Variants in WDR81 observed in about 807,000 individuals in gnomAD.
WDR81 encodes WD repeat-containing protein 81.
A neutral mutation model predicts 140.8 loss-of-function variants in WDR81; 92 were observed. The ratio of observed to expected loss-of-function variants is 0.65; its 90% CI spans 0.55 to 0.78. The LOEUF (loss-of-function observed/expected upper bound fraction) is 0.78. Ranked by LOEUF, WDR81 falls within the 30% of genes least tolerant of loss-of-function variation. The pLI is 0.00. For missense variants in WDR81, 2,502 were observed against 2,636.4 expected (o/e 0.95, Z 1.12); for synonymous variants, 1,183 against 1,156.4 (o/e 1.02, Z -0.47).
upstream of WDR81, among the ~76,000 whole-genome samples, chr17:1,719,880 G>A (rs1914774562): frequency 6.6e-6 from 1 of 151,504 alleles, no homozygotes; most frequent in African/African-American, 2.4e-5. Context: ...GGTATCTGTG[G>A]TCCCAGCTAC....
rs1200455844 is a variant in WDR81, at chr17:1,726,148, C to G, written c.1189C>G (p.Arg397Gly). ...VDFTTPHGRF[R>G]DLRKSKFRLN... ...CTTCACTACGCCCCATGGGCGCTTC[C>G]GAGACCTGCGCAAGTCCAAGTTCCG... The change falls in exon 1 of 10, where the codon CGA becomes GGA. Residue 397 changes from arginine (R) to glycine (G), a missense_variant. By Grantham distance (125) the Arg-to-Gly change is moderately radical. Transcript: ENST00000409644. The G allele has an allele frequency of 6.6e-7, 1 of 1,523,826 alleles. No homozygotes were observed. The highest frequency in any genetic ancestry group is 8.9e-7 in the Non-Finnish European group (1 of 1,129,550). 94.4% of individuals were successfully genotyped at this position (1,523,826 alleles called of 1,614,324 possible).
chr17:1,732,286 G>T, intron 4 of WDR81, 39 bp from the exon 5 acceptor site: 2 of 1,600,250 alleles, frequency 1.2e-6, no homozygotes, highest in Non-Finnish European at 1.7e-6. Context: ...GTCAAGTCCT[G>T]CAGAACGGCG....
Position 1,727,748 on chromosome 17 carries a change from C to T in WDR81, c.2789C>T (p.Ser930Leu), listed in dbSNP as rs1915388581. 1 of 1,550,604 alleles carries T rather than the reference C, an allele frequency of 6.4e-7. No individual in the cohort carries two copies. Among genetic ancestry groups the T allele is most frequent in the African/African-American group, 1.4e-5 (1 of 73,044 alleles). Reference sequence around the variant, plus strand: ...GAGATCCTGCTGCCCTTCGTGCTCTCACTCATGTCCGAGGAGCACACAGCT... The same window carrying T: ...GAGATCCTGCTGCCCTTCGTGCTCTTACTCATGTCCGAGGAGCACACAGCT... ...GLEILLPFVLSLMSEEHTAVY... is the reference protein window; with the variant it reads ...GLEILLPFVLLLMSEEHTAVY... Residue 930 changes from serine (S) to leucine (L), a missense_variant, in exon 1 of 10, where the codon TCA (serine) becomes TTA (leucine). Coordinates refer to ENST00000409644, the MANE Select transcript of WDR81 (RefSeq NM_001163809.2).
rs1218719295 is a variant in WDR81 at position 1,726,238 on chromosome 17, G to A, written c.1279G>A (p.Gly427Ser). Residue 427 changes from glycine to serine, a missense_variant, in exon 1 of 10, where the codon GGC becomes AGC. Physicochemically the swap from Gly to Ser is moderately conservative, Grantham distance 56. Coordinates refer to ENST00000409644, the MANE Select transcript of WDR81 (RefSeq NM_001163809.2). ...GATGACACGGCAGGCATTCGTAGCA[G>A]GCGGGGCGGGCGGCGGGGAACCCCC... ...YEMTRQAFVA[G>S]GAGGGEPPHV... The A allele has an allele frequency of 1.3e-6, 2 of 1,531,082 alleles. No homozygotes were observed. Among genetic ancestry groups the A allele is most frequent in the African/African-American group, 1.4e-5 (1 of 72,970 alleles). The allele number at this position is 1,531,082 out of a possible 1,614,324, so 94.8% of individuals were successfully genotyped here.
chr17:1,720,693 C>T (rs1356928459), upstream of WDR81, among the ~76,000 whole-genome samples: 1 of 148,462 alleles, frequency 6.7e-6, no homozygotes, highest in Non-Finnish European at 1.5e-5. Context: ...TGAACCTGGG[C>T]GGTGAAGGTT....
intron 5 of WDR81, 36 bp downstream of exon 5, chr17:1,732,526 G>A (rs749874637): frequency 1.6e-5 from 26 of 1,602,934 alleles, no homozygotes; most frequent in South Asian, 6.6e-5. Context: ...GGGCTGGGGC[G>A]GGGGCTGTGG....
chr17:1,723,463 T>TTA (rs1567715968), upstream of WDR81, among the ~76,000 whole-genome samples: 12 of 109,982 alleles, frequency 1.1e-4, no homozygotes, highest in African/African-American at 3.7e-4. Context: ...TTATTTTTAT[T>TTA]TATTTATTTA....
upstream of WDR81, among the ~76,000 whole-genome samples, chr17:1,721,518 C>CA (rs1442982968): frequency 7.3e-5 from 11 of 149,764 alleles, no homozygotes; most frequent in South Asian, 2.1e-4. Flanking sequence ...GACCCTGTGT[C>CA]AAAAAAAATA....
chr17:1,737,254 G>C, intron 9 of WDR81, 111 bp from the exon 10 acceptor site: 1 of 1,105,578 alleles, frequency 9.0e-7, no homozygotes, highest in Non-Finnish European at 1.3e-6. Flanking sequence ...ACCCACCCAG[G>C]ACGGCCTGTC....
chr17:1,735,610 G>A lies in WDR81; in HGVS notation c.5218G>A (p.Val1740Met). 4 of 1,612,632 alleles carry A rather than the reference G, an allele frequency of 2.5e-6. No individual in the cohort carries two copies. Among genetic ancestry groups the A allele is most frequent in the Non-Finnish European group, 3.4e-6 (4 of 1,179,896 alleles). The change falls in exon 8 of 10, where the codon GTG (valine) becomes ATG (methionine). Residue 1740 changes from valine to methionine, a missense_variant. Transcript: ENST00000409644. This position sits in a 1 kb window ranked among gnomAD's most constrained non-coding sequence, Gnocchi z 4.2. The stretch of plus-strand genomic sequence containing the variant: ...CACAGTGGAGCCGCTGGACAGCCGG[G>A]TGCCCCTGACTGCGGTGGCTGTCAT... ...LRTVEPLDSRVPLTAVAVMPA... is the reference protein window; with the variant it reads ...LRTVEPLDSRMPLTAVAVMPA...
Position 1,726,730 on chromosome 17 carries a change from C to A in WDR81, c.1771C>A (p.Arg591Ser). 3.2e-6 allele frequency: 5 copies of A among 1,548,024 alleles called. No homozygotes were observed. Among genetic ancestry groups the A allele is most frequent in the Non-Finnish European group, 4.4e-6 (5 of 1,146,470 alleles). Residue 591 changes from arginine (R) to serine (S), a missense_variant, in exon 1 of 10, where the codon CGC becomes AGC. Physicochemically the swap from Arg to Ser is moderately radical, Grantham distance 110. Transcript: ENST00000409644. ...VQLFDQPHPQRLAGAPALAPE... is the reference protein window; with the variant it reads ...VQLFDQPHPQSLAGAPALAPE... The stretch of plus-strand genomic sequence containing the variant: ...GCTCTTCGATCAGCCACACCCCCAG[C>A]GCCTGGCTGGGGCTCCTGCCCTTGC...
At position 1,733,730 on chromosome 17, in the gene WDR81, G is replaced by T; in HGVS notation, c.4693G>T (p.Gly1565Trp). 6.2e-7 allele frequency: 1 copy of T among 1,612,656 alleles called. No homozygotes were observed. The highest frequency in any genetic ancestry group is 2.2e-5 in the East Asian group (1 of 44,866). ...HSGTFGSVLV[G>W]NRIQIPNDSR... ...AGGGACCTTTGGGAGCGTCCTGGTGGGGAACCGCATTCAGATCCCCAATGA... is the reference window on the plus strand; with the variant it reads ...AGGGACCTTTGGGAGCGTCCTGGTGTGGAACCGCATTCAGATCCCCAATGA... The change falls in exon 7 of 10, where the codon GGG becomes TGG. Residue 1565 changes from glycine (G) to tryptophan (W), a missense_variant. By Grantham distance (184) the Gly-to-Trp change is radical. Transcript: ENST00000409644.
In WDR81 at chr17:1,727,854, G is replaced by T. The variant is rs184036171; in HGVS notation, c.2895G>T (p.Pro965=). ...PKNANKYLLK[P]LIGAYESPCQ... is the part of the protein sequence containing the mutation. ...ATGCCAATAAGTACCTCCTGAAGCC[G>T]CTCATTGGTGCCTACGAGAGCCCCT... The change falls in exon 1 of 10, where the codon CCG becomes CCT. Residue 965 remains proline (P), a synonymous_variant. Coordinates refer to ENST00000409644, the MANE Select transcript of WDR81 (RefSeq NM_001163809.2). The T allele has an allele frequency of 3.2e-6, 5 of 1,550,604 alleles. No individual in the cohort carries two copies. The highest frequency in any genetic ancestry group is 3.5e-6 in the Non-Finnish European group (4 of 1,147,088).
rs1220618805 is a variant in WDR81, at chr17:1,734,197, C to T, written c.5160C>T (p.His1720=). 42 of 1,589,190 alleles carry T rather than the reference C, an allele frequency of 2.6e-5. No homozygotes were observed. Among genetic ancestry groups the T allele is most frequent in the Admixed American group, 6.7e-5 (4 of 59,478 alleles). Residue 1720 remains histidine (H), a synonymous_variant, in exon 7 of 10, where the codon CAC becomes CAT. Transcript: ENST00000409644. Reference sequence around the variant, plus strand: ...TGGTGAGCTGTGACGGGGCTGTGCACGTCTGGGACCCCTTCACAGGTGAGC... The same window carrying T: ...TGGTGAGCTGTGACGGGGCTGTGCATGTCTGGGACCCCTTCACAGGTGAGC... ...QHVVSCDGAV[H]VWDPFTGKTL...
intron 4 of WDR81, among the ~76,000 whole-genome samples, chr17:1,731,969 C>T (rs1904389178): frequency 6.7e-6 from 1 of 150,160 alleles, no homozygotes; most frequent in African/African-American, 2.5e-5. Context: ...TGCTGTGGCT[C>T]ATGCCTGTAA....
chr17:1,733,385 CTG>C (rs2151172902), intron 6 of WDR81, 140 bp from the exon 7 acceptor site: 1 of 795,078 alleles, frequency 1.3e-6, no homozygotes, highest in Non-Finnish European at 2.0e-6. Context: ...GAGGAGGAAA[CTG>C]AGGCTCAGAG....
At position 1,725,798 on chromosome 17, in the gene WDR81, C is replaced by A; in HGVS notation, c.839C>A (p.Ala280Glu). Residue 280 changes from alanine to glutamate, a missense_variant, in exon 1 of 10, where the codon GCG becomes GAG. Physicochemically the swap from Ala to Glu is moderately radical, Grantham distance 107. Coordinates refer to ENST00000409644, the MANE Select transcript of WDR81 (RefSeq NM_001163809.2). ...AMDACHRQGLACGALSLYHIA... is the reference protein window; with the variant it reads ...AMDACHRQGLECGALSLYHIA... ...GACGCCTGTCACCGCCAGGGGCTGG[C>A]GTGTGGGGCCCTGTCTTTGTATCAC... is the stretch of plus-strand genomic sequence containing the variant. The A allele has an allele frequency of 1.3e-6, 2 of 1,550,638 alleles. No homozygotes were observed. The highest frequency in any genetic ancestry group is 8.7e-7 in the Non-Finnish European group (1 of 1,146,984).
At chr17:1,720,233 G>A (rs531349030), upstream of WDR81, among the ~76,000 whole-genome samples, 62 of 152,204 alleles carry the variant, frequency 4.1e-4, no homozygotes, top group African/African-American at 1.5e-3. Flanking sequence ...ATGACCTCCC[G>A]GAAACCCAAT....
In WDR81 at chr17:1,727,615, C is replaced by G. The variant is rs1425217815; in HGVS notation, c.2656C>G (p.Leu886Val). 1.3e-6 allele frequency: 2 copies of G among 1,550,568 alleles called. No individual in the cohort carries two copies. The highest frequency in any genetic ancestry group is 1.7e-6 in the Non-Finnish European group (2 of 1,147,036). Residue 886 changes from leucine (L) to valine (V), a missense_variant, in exon 1 of 10, where the codon CTG (leucine) becomes GTG (valine). Leu to Val is a conservative substitution (Grantham distance 32). Around this residue, in one of 3 missense-constraint regions of WDR81, gnomAD observed 1,737 missense variants for 1,843.0 expected, o/e 0.94. Transcript: ENST00000409644. ...YFPALHRFIL[L>V]YQARRVEDEA... The stretch of plus-strand genomic sequence containing the variant: ...CCCGGCACTGCACAGATTCATCCTC[C>G]TGTACCAGGCAAGGCGTGTGGAGGA...
Sources: gnomAD v4.1 joint callset for allele counts (sites outside exome capture counted in the v4.1 genomes callset) on GRCh38, gnomAD v4.1.1 for gene constraint, gnomAD v4.1.1 regional missense constraint, Gnocchi (gnomAD v3.1) non-coding constraint, MANE v1.5 for transcripts, NCBI Gene and HGNC (gene_info 2026-07-23, HGNC 2026-07-21) for gene names.